The following PCNX1 variants were observed in gnomAD, a reference collection of about 807,000 sequenced individuals.
PCNX1 encodes pecanex 1, also known as pecanex-like protein 1.
Under a neutral mutation model 242.2 loss-of-function variants are expected in PCNX1, and 78 were observed. The observed-to-expected ratio is 0.32, with a 90% CI of 0.27 to 0.39. The LOEUF is 0.39. Ranked by LOEUF, PCNX1 falls within the 10% of genes least tolerant of loss-of-function variation. PCNX1 has a pLI of 1.00. For synonymous variants in PCNX1, 1,024 were observed against 1,032.9 expected, an observed-to-expected ratio of 0.99 and a Z score of 0.17; for missense variants, 2,581 against 2,856.5, an observed-to-expected ratio of 0.90 and a Z score of 2.20.
chr14:71,011,374 A>G (rs535659800), intron 9 of PCNX1, 118 bp from the exon 10 acceptor site: 11 of 687,756 alleles, frequency 1.6e-5, no homozygotes, highest in South Asian at 3.3e-5. Context: ...GGAAAATGCT[A>G]TTTTGCATTT....
At chr14:71,050,811 A>T (rs546918197) in intron 23 of PCNX1, 51 bp downstream of exon 23, 1 of 1,529,726 alleles carries the variant, frequency 6.5e-7, no homozygotes, top group South Asian at 1.2e-5. Flanking sequence ...ATCCTAGATA[A>T]GAATGTTGGT....
chr14:71,036,236 T>C, intron 19 of PCNX1, 79 bp downstream of exon 19: 1 of 878,186 alleles, frequency 1.1e-6, no homozygotes, highest in Non-Finnish European at 1.9e-6. Flanking sequence ...TGGAGTGCAG[T>C]GTTGCGATCA....
intron 1 of PCNX1, among the ~76,000 whole-genome samples, chr14:70,918,942 G>C (rs1464775277): frequency 6.7e-6 from 1 of 149,962 alleles, no homozygotes; most frequent in Non-Finnish European, 1.5e-5. Flanking sequence ...GTACAGTGGT[G>C]TGATAATAAC....
intron 26 of PCNX1, among the ~76,000 whole-genome samples, chr14:71,064,353 A>G (rs2061396812): frequency 6.6e-6 from 1 of 152,172 alleles, no homozygotes; most frequent in Non-Finnish European, 1.5e-5. Context: ...TGGGATTAGA[A>G]TGGTAGAGTA....
intron 2 of PCNX1, among the ~76,000 whole-genome samples, chr14:70,949,512 A>G (rs1017189961): frequency 6.6e-6 from 1 of 152,044 alleles, no homozygotes; most frequent in African/African-American, 2.4e-5. Context: ...GTGATATTTT[A>G]CTTGACATTT....
At chr14:70,946,849 A>G (rs554142836) in intron 1 of PCNX1, 66 bp from the exon 2 acceptor site, 35 of 1,084,760 alleles carry the variant, frequency 3.2e-5, no homozygotes, top group Middle Eastern at 5.8e-4. Flanking sequence ...TTAGATACAG[A>G]TTTATCTAAT....
At chr14:70,985,359 C>T (rs12432180) in intron 6 of PCNX1, among the ~76,000 whole-genome samples, 13,617 of 152,082 alleles carry the variant, frequency 0.09, 721 homozygotes, top group Admixed American at 0.17. Context: ...AGATTACAGG[C>T]GCCTGCCACC....
At chr14:70,921,624 G>GA (rs2056378917) in intron 1 of PCNX1, among the ~76,000 whole-genome samples, 1 of 152,044 alleles carries the variant, frequency 6.6e-6, no homozygotes, top group South Asian at 2.1e-4. Context: ...ATGTGTTATT[G>GA]AAAAATATAC....
intron 1 of PCNX1, among the ~76,000 whole-genome samples, chr14:70,914,483 A>C (rs919944828): frequency 1.3e-5 from 2 of 152,218 alleles, no homozygotes; most frequent in African/African-American, 4.8e-5. Flanking sequence ...AATTACTCCA[A>C]ATCATAAAAT....
chr14:70,957,463 A>G (rs913148420), intron 2 of PCNX1, among the ~76,000 whole-genome samples: 1 of 152,218 alleles, frequency 6.6e-6, no homozygotes, highest in African/African-American at 2.4e-5. Flanking sequence ...TGAAATACTG[A>G]TGCATGCTAC....
chr14:71,089,757 G>A (rs2062081681), intron 30 of PCNX1, among the ~76,000 whole-genome samples: 1 of 152,124 alleles, frequency 6.6e-6, no homozygotes, highest in Non-Finnish European at 1.5e-5. Context: ...TGAGATTTGG[G>A]TGAGGACACA....
rs1028074228 is a variant in PCNX1 at position 71,059,729 on chromosome 14, G to A, written c.4852+2005G>A. ...AAAGACACATTTGATCATGGCATTC[G>A]CACGCTTACAATTTTTCAGTGACTT... is the stretch of plus-strand genomic sequence containing the variant. On this transcript the variant is annotated intron_variant, in intron 26 of 35. Transcript: ENST00000304743. Among the ~76,000 whole-genome samples the A allele has an allele frequency of 1.1e-4, 17 of 151,902 alleles. 1 individual carries two copies. Among genetic ancestry groups the A allele is most frequent in the African/African-American group, 3.1e-4 (13 of 41,316 alleles).
chr14:71,045,239 A>G lies in PCNX1; in HGVS notation c.3974A>G (p.His1325Arg), dbSNP rs1450212465. Residue 1325 changes from histidine to arginine, a missense_variant, in exon 20 of 36, where the codon CAT (histidine) becomes CGT (arginine). Coordinates refer to ENST00000304743, the MANE Select transcript of PCNX1 (RefSeq NM_014982.3). ...RKQLPWHCFSHPLLKTLEYNQ... is the reference protein window; with the variant it reads ...RKQLPWHCFSRPLLKTLEYNQ... ...CAGCTACCATGGCACTGTTTCTCTC[A>G]TCCTCTGCTAAAGACACTAGAGTAT... The G allele has an allele frequency of 6.2e-7, 1 of 1,613,382 alleles. No homozygotes were observed. Among genetic ancestry groups the G allele is most frequent in the Non-Finnish European group, 8.5e-7 (1 of 1,179,432 alleles).
intron 8 of PCNX1, among the ~76,000 whole-genome samples, chr14:71,001,737 A>G (rs1436112807): frequency 6.6e-6 from 1 of 152,200 alleles, no homozygotes; most frequent in Admixed American, 6.5e-5. Flanking sequence ...AGATTCTTTA[A>G]AGGAGAGACC....
rs761896118 is a variant in PCNX1 at position 71,108,981 on chromosome 14, G to T, written c.6679G>T (p.Gly2227Cys). 6.2e-7 allele frequency: 1 copy of T among 1,614,222 alleles called. No homozygotes were observed. Among genetic ancestry groups the T allele is most frequent in the South Asian group, 1.1e-5 (1 of 91,086 alleles). The change falls in exon 34 of 36, where the codon GGC becomes TGC. Residue 2227 changes from glycine to cysteine, a missense_variant. Coordinates refer to ENST00000304743, the MANE Select transcript of PCNX1 (RefSeq NM_014982.3). ...GAGCAGTGCCACTGATGCACAGCCA[G>T]GCAACACCTTAAGTCCTGCCAACAA... ...GQSSATDAQPGNTLSPANNSH... is the reference protein window; with the variant it reads ...GQSSATDAQPCNTLSPANNSH...
intron 1 of PCNX1, among the ~76,000 whole-genome samples, chr14:70,931,290 A>T (rs1188656143): frequency 6.6e-6 from 1 of 152,236 alleles, no homozygotes; most frequent in Non-Finnish European, 1.5e-5. Flanking sequence ...AAAAAAGCTA[A>T]AACTTGAGGC....
At chr14:70,952,813 A>G (rs568114563) in intron 2 of PCNX1, among the ~76,000 whole-genome samples, 25 of 152,298 alleles carry the variant, frequency 1.6e-4, no homozygotes, top group African/African-American at 4.3e-4. Context: ...TTCATGTTCA[A>G]TTTTATCAGG....
chr14:71,026,693 T>G, intron 14 of PCNX1, 79 bp from the exon 15 acceptor site: 1 of 587,318 alleles, frequency 1.7e-6, no homozygotes, highest in Non-Finnish European at 2.8e-6. Flanking sequence ...TTGGGATTTT[T>G]AAAAATTATG....
intron 8 of PCNX1, among the ~76,000 whole-genome samples, chr14:71,007,908 A>C (rs2059711918): frequency 6.6e-6 from 1 of 152,078 alleles, no homozygotes; most frequent in African/African-American, 2.4e-5. Flanking sequence ...TAGCTCATTA[A>C]TCCAGTTTCT....
Sources: gnomAD v4.1 joint callset for allele counts (sites outside exome capture counted in the v4.1 genomes callset) on GRCh38, gnomAD v4.1.1 for gene constraint, MANE v1.5 for transcripts, NCBI Gene and HGNC (gene_info 2026-07-23, HGNC 2026-07-21) for gene names.